CACNA1C: variants seen among roughly 807,000 people sequenced by gnomAD.
The protein encoded by CACNA1C is voltage-dependent L-type calcium channel subunit alpha-1C.
Under a neutral mutation model 229.0 loss-of-function variants are expected in CACNA1C, and 30 were observed. The observed-to-expected ratio is 0.13, with a 90% CI of 0.10 to 0.18. The LOEUF is 0.18. CACNA1C is among the 10% of genes least tolerant of loss of function. The pLI, the probability that CACNA1C is intolerant of heterozygous loss-of-function variation, is 1.00. For synonymous variants in CACNA1C, 1,114 were observed against 1,132.5 expected (o/e 0.98, Z 0.33); for missense variants, 1,658 against 2,845.0 (o/e 0.58, Z 9.49).
chr12:2,190,219 G>C (rs1464023293), intron 3 of CACNA1C, among the ~76,000 whole-genome samples: 1 of 152,196 alleles, frequency 6.6e-6, no homozygotes, highest in Non-Finnish European at 1.5e-5. Flanking sequence ...GAAATGGCGT[G>C]TTTAAACATT....
chr12:2,260,538 GA>G (rs1366208311), intron 3 of CACNA1C, among the ~76,000 whole-genome samples: 2 of 151,002 alleles, frequency 1.3e-5, no homozygotes, highest in African/African-American at 4.9e-5. Flanking sequence ...AAAGAAGAGA[GA>G]AAAGGAGAGG....
At chr12:2,223,893 C>T (rs2062142531) in intron 3 of CACNA1C, among the ~76,000 whole-genome samples, 1 of 152,096 alleles carries the variant, frequency 6.6e-6, no homozygotes, top group Non-Finnish European at 1.5e-5. Flanking sequence ...AATGATAATA[C>T]ACAAATATAT....
chr12:2,280,769 C>T (rs1323348145), intron 3 of CACNA1C, among the ~76,000 whole-genome samples: 6 of 150,730 alleles, frequency 4.0e-5, no homozygotes, highest in African/African-American at 1.5e-4. Context: ...CTCTTGATAC[C>T]TTGCTGTGCT....
chr12:1,983,351 T>C (rs773165921), intron 1 of CACNA1C, among the ~76,000 whole-genome samples: 1 of 152,064 alleles, frequency 6.6e-6, no homozygotes, highest in Admixed American at 6.5e-5. Flanking sequence ...TTAAGAACTT[T>C]CTTCTTTTCC....
At chr12:2,572,769 T>G (rs111219371) in intron 13 of CACNA1C, among the ~76,000 whole-genome samples, 59,867 of 93,200 alleles carry the variant, frequency 0.64, 19,176 homozygotes, top group East Asian at 0.76. Flanking sequence ...CCTTCTTCTG[T>G]TCCTCCTTCT....
chr12:2,332,970 T>C (rs151297532), intron 3 of CACNA1C, among the ~76,000 whole-genome samples: 1 of 152,302 alleles, frequency 6.6e-6, no homozygotes, highest in East Asian at 1.9e-4. Flanking sequence ...AGCAATGAAG[T>C]TCTGAGTCTT....
intron 7 of CACNA1C, among the ~76,000 whole-genome samples, chr12:2,501,221 A>AAAAC (rs1209612641): frequency 1.3e-5 from 2 of 150,576 alleles, no homozygotes; most frequent in African/African-American, 4.9e-5. Flanking sequence ...AAAAAAAAAA[A>AAAAC]AAAAAAAAAA....
Position 2,679,345 on chromosome 12 carries a change from C to T in CACNA1C, c.5092-99C>T, listed in dbSNP as rs543239448. 5 of 913,220 alleles carry T rather than the reference C, an allele frequency of 5.5e-6. No homozygotes were observed. In the East Asian group the frequency reaches 1.3e-4, roughly 24 times the overall value. The allele number at this position is 913,220 out of a possible 1,614,324, so 56.6% of individuals were successfully genotyped here. ...TACCCGAAAGAAGGCAGCCCGCCTT[C>T]CCAGGCCCTGCACTTCCCTGACCTG... On this transcript the variant is annotated intron_variant, in intron 41 of 46. Coordinates refer to ENST00000399655, the MANE Select transcript of CACNA1C (RefSeq NM_000719.7). This position sits in a 1 kb window ranked among gnomAD's most constrained non-coding sequence, Gnocchi z 5.5.
intron 11 of CACNA1C, among the ~76,000 whole-genome samples, chr12:2,564,149 C>A (rs773723081): frequency 8.5e-5 from 13 of 152,234 alleles, no homozygotes; most frequent in Non-Finnish European, 1.6e-4. Flanking sequence ...CACAGACACA[C>A]ACACACCGGA....
In CACNA1C at chr12:2,677,169, A is replaced by C. The variant is rs1263973884; in HGVS notation, c.4904A>C (p.Lys1635Thr). ...TACTTCCGGAAGTTCAAGAAGCGCA[A>C]AGAGCAGGGCCTTGTGGGCAAGCCC... is the stretch of plus-strand genomic sequence containing the variant. The part of the protein sequence containing the change: ...QEYFRKFKKR[K>T]EQGLVGKPSQ... The change falls in exon 40 of 47, where the codon AAA becomes ACA. Residue 1635 changes from lysine (K) to threonine (T), a missense_variant. By Grantham distance (78) the Lys-to-Thr change is moderately conservative. Transcript: ENST00000399655. The surrounding 1 kb of genome is among the most constrained non-coding windows in gnomAD (Gnocchi z 7.4). The C allele has an allele frequency of 6.2e-7, 1 of 1,613,716 alleles. No individual in the cohort carries two copies. Among genetic ancestry groups the C allele is most frequent in the Non-Finnish European group, 8.5e-7 (1 of 1,179,834 alleles).
chr12:2,437,262 G>C (rs933592988), intron 3 of CACNA1C, among the ~76,000 whole-genome samples: 1 of 151,904 alleles, frequency 6.6e-6, no homozygotes, highest in Non-Finnish European at 1.5e-5. Context: ...GGGAAGAGTG[G>C]GGAGGCCTGT....
intron 13 of CACNA1C, among the ~76,000 whole-genome samples, chr12:2,573,908 A>G (rs1360687841): frequency 1.3e-5 from 2 of 152,338 alleles, no homozygotes; most frequent in East Asian, 3.9e-4. Flanking sequence ...GATGTCTTTG[A>G]TATATCATTA....
chr12:2,411,109 G>A (rs1179866430), intron 3 of CACNA1C, among the ~76,000 whole-genome samples: 1 of 152,160 alleles, frequency 6.6e-6, no homozygotes, highest in Admixed American at 6.5e-5. Context: ...CCGTGTATGT[G>A]TTGGGTATTT....
At chr12:2,224,708 C>T (rs1328162907) in intron 3 of CACNA1C, among the ~76,000 whole-genome samples, 3 of 152,120 alleles carry the variant, frequency 2.0e-5, no homozygotes, top group African/African-American at 4.8e-5. Flanking sequence ...TAGCATTCTT[C>T]GTATAAGTAA....
chr12:2,424,848 C>T (rs1032439520), intron 3 of CACNA1C, among the ~76,000 whole-genome samples: 4 of 152,180 alleles, frequency 2.6e-5, no homozygotes, highest in African/African-American at 4.8e-5. Context: ...GGCCAGGAAG[C>T]GGGGAGGGTC....
At chr12:2,197,160 A>G (rs550244564) in intron 3 of CACNA1C, among the ~76,000 whole-genome samples, 27 of 152,280 alleles carry the variant, frequency 1.8e-4, no homozygotes, top group African/African-American at 6.5e-4. Flanking sequence ...CAGAACCAAG[A>G]GAATGCAACA....
At chr12:2,027,377 T>C (rs2047511899) in intron 1 of CACNA1C, among the ~76,000 whole-genome samples, 1 of 152,258 alleles carries the variant, frequency 6.6e-6, no homozygotes, top group Non-Finnish European at 1.5e-5. Context: ...CCCCCATTTG[T>C]TAAGCTCCTT....
At chr12:2,279,619 A>G (rs2090295409) in intron 3 of CACNA1C, among the ~76,000 whole-genome samples, 1 of 152,208 alleles carries the variant, frequency 6.6e-6, no homozygotes, top group Non-Finnish European at 1.5e-5. Flanking sequence ...TTTGCCTGAT[A>G]TTAATATAGA....
At chr12:2,664,775 T>C (rs1440810468) in intron 34 of CACNA1C, 50 bp from the exon 35 acceptor site, 2 of 1,482,820 alleles carry the variant, frequency 1.3e-6, no homozygotes, top group Admixed American at 4.2e-5. Context: ...AGGGCCCTCC[T>C]TGGCATCTGT....
Sources: allele counts gnomAD v4.1 joint callset (sites outside exome capture counted in the v4.1 genomes callset), GRCh38; gene constraint gnomAD v4.1.1; non-coding constraint Gnocchi (gnomAD v3.1); transcripts MANE v1.5; gene names NCBI Gene and HGNC (gene_info 2026-07-23, HGNC 2026-07-21).